Variants in C8orf74 observed in about 807,000 individuals in gnomAD.
C8orf74 encodes uncharacterized protein C8orf74.
C8orf74 carries 29 observed loss-of-function variants against 22.2 expected under a neutral mutation model. The ratio of observed to expected loss-of-function variants is 1.31; its 90% CI spans 0.97 to 1.78. The LOEUF is 1.78. Ranked by LOEUF, C8orf74 falls within the 40% of genes most tolerant of loss-of-function variation. The pLI, the probability that C8orf74 is intolerant of heterozygous loss-of-function variation, is 0.00. For synonymous variants in C8orf74, 255 were observed against 163.1 expected, an observed-to-expected ratio of 1.56 and a Z score of -4.30; for missense variants, 515 against 369.9, an observed-to-expected ratio of 1.39 and a Z score of -3.22.
chr8:10,689,571 T>C (rs1799331138), intron 2 of C8orf74: 1 of 152,202 alleles, frequency 6.6e-6, no homozygotes, highest in Non-Finnish European at 1.5e-5. Context: ...ACACGAGATT[T>C]AGGGCCGCCA....
At chr8:10,678,051 T>A (rs1319426654) in intron 2 of C8orf74, among the ~76,000 whole-genome samples, 1 of 152,226 alleles carries the variant, frequency 6.6e-6, no homozygotes, top group African/African-American at 2.4e-5. Context: ...TCGTATCATC[T>A]GAAAGCGTGT....
intron 2 of C8orf74, 95 bp downstream of exon 2, chr8:10,674,933 G>C: frequency 1.9e-6 from 2 of 1,071,004 alleles, no homozygotes; most frequent in Non-Finnish European, 2.7e-6. Flanking sequence ...AGCAGCCTTG[G>C]AGGAGCCAGG....
chr8:10,676,742 C>T (rs1241091717), intron 2 of C8orf74, among the ~76,000 whole-genome samples: 1 of 152,180 alleles, frequency 6.6e-6, no homozygotes, highest in African/African-American at 2.4e-5. Context: ...GGACAGGAGC[C>T]TTCAGGGTAT....
At chr8:10,685,016 G>A (rs986642129) in intron 2 of C8orf74, among the ~76,000 whole-genome samples, 1 of 152,206 alleles carries the variant, frequency 6.6e-6, no homozygotes, top group Non-Finnish European at 1.5e-5. Context: ...CCCCACAGGG[G>A]GCGGAGCAAG....
intron 2 of C8orf74, chr8:10,689,455 T>C (rs989826347): frequency 2.6e-5 from 4 of 152,212 alleles, no homozygotes; most frequent in Non-Finnish European, 4.4e-5. Context: ...TTTGTTGAGC[T>C]CATTAGCATA....
chr8:10,699,322 G>T (rs566770614), intron 3 of C8orf74, among the ~76,000 whole-genome samples: 2 of 152,136 alleles, frequency 1.3e-5, no homozygotes, highest in African/African-American at 4.8e-5. Flanking sequence ...GGCACTCAAG[G>T]GCATAGAACA....
chr8:10,687,231 A>T, intron 2 of C8orf74: 1 of 408,340 alleles, frequency 2.4e-6, no homozygotes, highest in Non-Finnish European at 5.0e-6. Flanking sequence ...GCTGTCGCCT[A>T]ATCTCACGAG....
At chr8:10,700,175 G>GA (rs751194554) in intron 3 of C8orf74, 60 bp from the exon 4 acceptor site, 21 of 1,111,646 alleles carry the variant, frequency 1.9e-5, no homozygotes, top group Non-Finnish European at 2.7e-5. Flanking sequence ...GGGCTGAGTT[G>GA]AGAACTGGAT....
Position 10,700,363 on chromosome 8 carries a change from C to A in C8orf74, c.777C>A (p.Leu259=). 6.2e-7 allele frequency: 1 copy of A among 1,613,390 alleles called. No individual in the cohort carries two copies. The highest frequency in any genetic ancestry group is 8.5e-7 in the Non-Finnish European group (1 of 1,179,390). The change falls in exon 4 of 4, where the codon CTC becomes CTA. Residue 259 remains leucine (L), a synonymous_variant. Transcript: ENST00000304519. Reference sequence around the variant, plus strand: ...AGCTTCAGAAGAAGACTCTGAACCTCAACGCCCCCACCCCTATCCCGCCCC... The same window carrying A: ...AGCTTCAGAAGAAGACTCTGAACCTAAACGCCCCCACCCCTATCCCGCCCC... ...DLKLQKKTLN[L]NAPTPIPPPI... is the part of the protein sequence containing the mutation.
At chr8:10,685,093 C>T (rs532935553) in intron 2 of C8orf74, among the ~76,000 whole-genome samples, 20 of 152,276 alleles carry the variant, frequency 1.3e-4, no homozygotes, top group Admixed American at 7.2e-4. Flanking sequence ...TATTTATTTC[C>T]GGAGATTTTT....
chr8:10,696,954 G>A (rs1586053249), intron 2 of C8orf74, among the ~76,000 whole-genome samples: 3 of 127,692 alleles, frequency 2.3e-5, no homozygotes, highest in South Asian at 4.7e-4. Flanking sequence ...ATGCCCAGGA[G>A]TTCGAAAAAA....
At chr8:10,686,995 CA>C (rs1418814237) in intron 2 of C8orf74, 1 of 420,880 alleles carries the variant, frequency 2.4e-6, no homozygotes, top group East Asian at 7.2e-5. Context: ...AATCACCAGG[CA>C]ACCGCCAAGA....
chr8:10,693,755 G>C (rs1190027155), intron 2 of C8orf74, among the ~76,000 whole-genome samples: 7 of 152,222 alleles, frequency 4.6e-5, no homozygotes, highest in Non-Finnish European at 1.0e-4. Flanking sequence ...CCTGGGGGTT[G>C]TGCCAGTTTC....
chr8:10,690,473 T>C (rs919228791), intron 2 of C8orf74, among the ~76,000 whole-genome samples: 3 of 152,142 alleles, frequency 2.0e-5, no homozygotes, highest in Non-Finnish European at 4.4e-5. Flanking sequence ...CTTGCTTTCG[T>C]CTGCTTCCCA....
At chr8:10,681,936 G>T (rs1327716413) in intron 2 of C8orf74, among the ~76,000 whole-genome samples, 1 of 152,186 alleles carries the variant, frequency 6.6e-6, no homozygotes, top group Non-Finnish European at 1.5e-5. Flanking sequence ...CCTAGGATGG[G>T]AAGGCAGACA....
At chr8:10,686,108 T>C (rs952625868) in intron 2 of C8orf74, among the ~76,000 whole-genome samples, 10 of 152,302 alleles carry the variant, frequency 6.6e-5, no homozygotes, top group Admixed American at 4.6e-4. Context: ...TGGTCAGTGT[T>C]ATGTTATGTA....
chr8:10,699,512 C>A (rs144954672), intron 3 of C8orf74, among the ~76,000 whole-genome samples: 1 of 152,364 alleles, frequency 6.6e-6, no homozygotes, highest in East Asian at 1.9e-4. Context: ...CTGACAATAG[C>A]TCCTATGCTG....
intron 3 of C8orf74, 104 bp downstream of exon 3, chr8:10,698,109 AG>A: frequency 1.7e-6 from 2 of 1,166,090 alleles, no homozygotes; most frequent in Non-Finnish European, 2.3e-6. Flanking sequence ...CACACAGGGG[AG>A]GGGGAGAGAT....
Position 10,672,676 on chromosome 8 carries a change from T to C in C8orf74, c.11T>C (p.Leu4Ser). 5 of 1,566,108 alleles carry C rather than the reference T, an allele frequency of 3.2e-6. No individual in the cohort carries two copies. The South Asian group carries it at 4.7e-5, about 15-fold the overall frequency. MAL[L>S]TPQGVKEVFQ... ...CCAGATGCAGGGGCCATGGCACTCT[T>C]AACACCCCAGGGAGTGAAAGAAGTC... The change falls in exon 1 of 4, where the codon TTA (leucine) becomes TCA (serine). Residue 4 changes from leucine (L) to serine (S), a missense_variant. Transcript: ENST00000304519.
Sources: gnomAD v4.1 joint callset for allele counts (sites outside exome capture counted in the v4.1 genomes callset) on GRCh38, gnomAD v4.1.1 for gene constraint, MANE v1.5 for transcripts, NCBI Gene and HGNC (gene_info 2026-07-23, HGNC 2026-07-21) for gene names.